Variants in P2RY6 observed in about 807,000 individuals in gnomAD.
P2RY6 encodes pyrimidinergic receptor P2Y6, also known as P2Y purinoceptor 6.
Under a neutral mutation model 16.3 loss-of-function variants are expected in P2RY6, and 19 were observed. That is an observed-to-expected ratio of 1.16 (90% CI 0.81 to 1.71). The LOEUF is 1.71. Among genes scored for constraint, P2RY6 ranks in the 40% most tolerant of loss-of-function variants. The pLI, the probability that P2RY6 is intolerant of heterozygous loss-of-function variation, is 0.00. For missense variants in P2RY6, 389 were observed against 455.5 expected, an observed-to-expected ratio of 0.85 and a Z score of 1.33; for synonymous variants, 184 against 201.5, an observed-to-expected ratio of 0.91 and a Z score of 0.74.
chr11:73,286,293 G>C (rs79619271), intron 1 of P2RY6, among the ~76,000 whole-genome samples: 2,848 of 152,264 alleles, frequency 0.019, 98 homozygotes, highest in African/African-American at 0.065. Context: ...TCAAGGCAGG[G>C]GCTGCCTTTC....
intron 1 of P2RY6, among the ~76,000 whole-genome samples, chr11:73,285,406 G>A (rs1863930978): frequency 6.6e-6 from 1 of 152,116 alleles, no homozygotes. Flanking sequence ...CTCCACAGCA[G>A]GAGCCACTGT....
At chr11:73,272,279 G>A (rs530273596), upstream of P2RY6, 1 of 928,390 alleles carries the variant, frequency 1.1e-6, no homozygotes, top group Non-Finnish European at 1.3e-6. Flanking sequence ...CCAGCTCTGT[G>A]CTGTGGCAAG....
At chr11:73,292,802 C>T in intron 1 of P2RY6, 1 of 985,402 alleles carries the variant, frequency 1.0e-6, no homozygotes. Flanking sequence ...AAGCTGCTCA[C>T]TCTGTCAGAG....
chr11:73,295,679 TG>T, intron 1 of P2RY6, 50 bp from the exon 2 acceptor site: 1 of 739,320 alleles, frequency 1.4e-6, no homozygotes, highest in Non-Finnish European at 1.7e-6. Context: ...TAGCCTCAAG[TG>T]GAAAGAAGCC....
chr11:73,288,470 G>C (rs955163116), intron 1 of P2RY6, among the ~76,000 whole-genome samples: 5 of 152,230 alleles, frequency 3.3e-5, no homozygotes, highest in African/African-American at 1.2e-4. Flanking sequence ...CAGGGTCCCT[G>C]CCTTCCACGT....
At chr11:73,270,148 C>T (rs1863240809), upstream of P2RY6, 1 of 152,108 alleles carries the variant, frequency 6.6e-6, no homozygotes, top group Non-Finnish European at 1.5e-5. Context: ...TCATGACACT[C>T]CTGATATGTA....
In P2RY6 at chr11:73,297,300, C is replaced by T. The variant is rs1343708779; in HGVS notation, c.782C>T (p.Ala261Val). Residue 261 changes from alanine to valine, a missense_variant, in exon 3 of 3, where the codon GCC (alanine) becomes GTC (valine). Transcript: ENST00000540124. ...CTGCCTTTTCACATCACCAAGACAG[C>T]CTACCTGGCAGTGCGCTCGACGCCG... is the stretch of plus-strand genomic sequence containing the variant. Reference protein sequence around the residue: ...SFLPFHITKTAYLAVRSTPGV... With the variant: ...SFLPFHITKTVYLAVRSTPGV... The T allele has an allele frequency of 6.2e-7, 1 of 1,609,408 alleles. No individual in the cohort carries two copies. The highest frequency in any genetic ancestry group is 8.5e-7 in the Non-Finnish European group (1 of 1,178,740).
intron 1 of P2RY6, among the ~76,000 whole-genome samples, chr11:73,288,175 C>T (rs375147842): frequency 9.8e-5 from 15 of 152,292 alleles, no homozygotes; most frequent in African/African-American, 3.1e-4. Context: ...CTTGGTGCAT[C>T]GTTAGTGCTC....
intron 1 of P2RY6, among the ~76,000 whole-genome samples, chr11:73,288,908 A>T (rs755308612): frequency 3.9e-5 from 6 of 152,238 alleles, no homozygotes; most frequent in Non-Finnish European, 8.8e-5. Context: ...CCAGGGGCCA[A>T]GCAAGGGGGT....
chr11:73,288,259 G>A (rs115649209), intron 1 of P2RY6, among the ~76,000 whole-genome samples: 34 of 152,328 alleles, frequency 2.2e-4, no homozygotes, highest in African/African-American at 8.2e-4. Flanking sequence ...CTCATACATA[G>A]TGGGGTCTTG....
chr11:73,296,191 G>A (rs928091612), intron 2 of P2RY6, among the ~76,000 whole-genome samples: 3 of 143,876 alleles, frequency 2.1e-5, no homozygotes, highest in Admixed American at 7.1e-5. Flanking sequence ...GGGCTTTGAA[G>A]GATGAATAGA....
intron 1 of P2RY6, among the ~76,000 whole-genome samples, chr11:73,273,405 CTG>C (rs1011698389): frequency 6.6e-6 from 1 of 152,144 alleles, no homozygotes; most frequent in African/African-American, 2.4e-5. Flanking sequence ...GAAGGTGCAT[CTG>C]TGTGTGTGCC....
chr11:73,266,817 G>A (rs541897112), intron 1 of P2RY6, among the ~76,000 whole-genome samples: 14 of 152,034 alleles, frequency 9.2e-5, no homozygotes, highest in African/African-American at 2.4e-4. Context: ...TGTCCCCACT[G>A]TCCCTAACAG....
chr11:73,290,788 C>T (rs908742580), intron 1 of P2RY6, among the ~76,000 whole-genome samples: 26 of 152,248 alleles, frequency 1.7e-4, no homozygotes, highest in Non-Finnish European at 5.9e-5. Context: ...AGTGTTCCCT[C>T]CCGGGCCCTG....
intron 1 of P2RY6, among the ~76,000 whole-genome samples, chr11:73,283,493 C>T (rs1194002535): frequency 6.6e-6 from 1 of 152,196 alleles, no homozygotes; most frequent in African/African-American, 2.4e-5. Flanking sequence ...TAGCCCTGCA[C>T]CAGCCCTGGG....
At chr11:73,273,096 A>G (rs1296862997) in intron 1 of P2RY6, among the ~76,000 whole-genome samples, 1 of 151,912 alleles carries the variant, frequency 6.6e-6, no homozygotes, top group Admixed American at 6.6e-5. Flanking sequence ...GGTTTGGAAA[A>G]AAAAAAAAAA....
chr11:73,269,221 G>A (rs1863205521), upstream of P2RY6, among the ~76,000 whole-genome samples: 1 of 152,184 alleles, frequency 6.6e-6, no homozygotes, highest in African/African-American at 2.4e-5. Flanking sequence ...GTGACTGAGT[G>A]CAGGAGGGTG....
chr11:73,276,685 C>T (rs1225004151), intron 1 of P2RY6, among the ~76,000 whole-genome samples: 4 of 152,118 alleles, frequency 2.6e-5, no homozygotes, highest in African/African-American at 9.7e-5. Flanking sequence ...AAAGGAGATT[C>T]GTAGTTTCCA....
chr11:73,265,604 T>G (rs1863077454), intron 1 of P2RY6: 1 of 151,924 alleles, frequency 6.6e-6, no homozygotes, highest in African/African-American at 2.4e-5. Context: ...GGGAGTTGTT[T>G]GGGTCACTCC....
Sources: gnomAD v4.1 joint callset for allele counts (sites outside exome capture counted in the v4.1 genomes callset) on GRCh38, gnomAD v4.1.1 for gene constraint, MANE v1.5 for transcripts, NCBI Gene and HGNC (gene_info 2026-07-23, HGNC 2026-07-21) for gene names.